BDP1: variants seen among roughly 807,000 people sequenced by gnomAD.
The protein encoded by BDP1 is BDP1 general transcription factor IIIB subunit.
BDP1 carries 169 observed loss-of-function variants against 266.6 expected under a neutral mutation model. The observed-to-expected ratio is 0.63, with a 90% CI of 0.56 to 0.72. The LOEUF (loss-of-function observed/expected upper bound fraction) is 0.72, where lower values mean the gene tolerates loss of function less well. Ranked by LOEUF, BDP1 falls within the 30% of genes least tolerant of loss-of-function variation. The pLI, the probability that BDP1 is intolerant of heterozygous loss-of-function variation, is 0.00. For missense variants in BDP1, 3,015 were observed against 3,053.8 expected, an observed-to-expected ratio of 0.99 and a Z score of 0.30; for synonymous variants, 1,090 against 1,022.4, an observed-to-expected ratio of 1.07 and a Z score of -1.26.
At chr5:71,547,916 A>T (rs1742453278) in intron 32 of BDP1, among the ~76,000 whole-genome samples, 2 of 152,152 alleles carry the variant, frequency 1.3e-5, no homozygotes. Flanking sequence ...AGATTGTGCC[A>T]CTGCACTCCA....
In BDP1 at chr5:71,455,969, G is replaced by T; in HGVS notation, c.92G>T (p.Arg31Leu). Residue 31 changes from arginine to leucine, a missense_variant, in exon 1 of 39, where the codon CGG becomes CTG. This residue lies in a region of BDP1 where 2,383 missense variants were observed against 2,404.9 expected (regional missense o/e 0.99). Coordinates refer to ENST00000358731, the MANE Select transcript of BDP1 (RefSeq NM_018429.3). ...ACAGCTTCCAATCCCCAGCGTGGAC[G>T]GGAGTCTCCCAGGCCGCCGGATCCT... ...GSTASNPQRG[R>L]ESPRPPDPAT... is the part of the protein sequence containing the mutation. 1.2e-6 allele frequency: 2 copies of T among 1,613,272 alleles called. No individual in the cohort carries two copies. The highest frequency in any genetic ancestry group is 1.7e-6 in the Non-Finnish European group (2 of 1,179,888).
intron 7 of BDP1, among the ~76,000 whole-genome samples, chr5:71,478,314 G>A (rs1017954234): frequency 2.6e-5 from 4 of 152,130 alleles, no homozygotes; most frequent in Non-Finnish European, 5.9e-5. Flanking sequence ...AGATATATAT[G>A]AGTCTTTTGT....
At chr5:71,571,479 A>G (rs1744261779), downstream of BDP1, among the ~76,000 whole-genome samples, 2 of 152,078 alleles carry the variant, frequency 1.3e-5, no homozygotes, top group Non-Finnish European at 2.9e-5. Context: ...ATACCCAGGG[A>G]CAACTGTGAA....
At chr5:71,542,924 G>A (rs749622432) in intron 30 of BDP1, among the ~76,000 whole-genome samples, 8 of 152,062 alleles carry the variant, frequency 5.3e-5, no homozygotes, top group Non-Finnish European at 1.2e-4. Flanking sequence ...CCGTAGAGAA[G>A]TGAAAATGTT....
At chr5:71,498,107 T>C (rs544146426) in intron 13 of BDP1, among the ~76,000 whole-genome samples, 13 of 152,174 alleles carry the variant, frequency 8.5e-5, no homozygotes, top group Admixed American at 8.5e-4. Context: ...CCCACCACCA[T>C]GCCCGGCTAA....
At chr5:71,576,108 A>C in the BDP1 span, among the ~76,000 whole-genome samples, 3 of 152,210 alleles carry the variant, frequency 2.0e-5, no homozygotes, top group Non-Finnish European at 4.4e-5. Flanking sequence ...TGTCAAGGCC[A>C]GACAAAAACC....
intron 7 of BDP1, among the ~76,000 whole-genome samples, chr5:71,472,279 G>A (rs565835297): frequency 1.3e-5 from 2 of 152,190 alleles, no homozygotes; most frequent in African/African-American, 2.4e-5. Flanking sequence ...AGGCCAACAT[G>A]GTGAAACCCC....
chr5:71,467,132 T>A (rs1470618299), intron 5 of BDP1, among the ~76,000 whole-genome samples: 1 of 152,238 alleles, frequency 6.6e-6, no homozygotes, highest in Non-Finnish European at 1.5e-5. Flanking sequence ...ATATTGCTGT[T>A]ATGGATTTTG....
Position 71,524,239 on chromosome 5 carries a change from A to G in BDP1, c.5688A>G (p.Glu1896=). The G allele has an allele frequency of 6.2e-7, 1 of 1,614,226 alleles. No homozygotes were observed. The highest frequency in any genetic ancestry group is 1.6e-4 in the Middle Eastern group (1 of 6,062). The stretch of plus-strand genomic sequence containing the variant: ...AAAGCTATCATCTTGCTCCCGAAGA[A>G]GTAAACAAAGCTCCAGTATTTGTAC... The part of the protein sequence containing the change: ...EEESYHLAPE[E]VNKAPVFVPV... Residue 1896 remains glutamate (E), a synonymous_variant, in exon 25 of 39, where the codon GAA becomes GAG. Transcript: ENST00000358731.
intron 26 of BDP1, chr5:71,537,861 T>C (rs1478487207): frequency 6.4e-6 from 1 of 156,424 alleles, no homozygotes; most frequent in Non-Finnish European, 1.5e-5. Flanking sequence ...GTCAGGAGTG[T>C]GCATGCTGGG....
At chr5:71,531,822 T>C (rs1451352565) in intron 25 of BDP1, among the ~76,000 whole-genome samples, 1 of 152,218 alleles carries the variant, frequency 6.6e-6, no homozygotes, top group Non-Finnish European at 1.5e-5. Context: ...TAAATACTTC[T>C]AAGGGCTTTC....
rs1307410798 is a variant in BDP1, at chr5:71,510,551, A to C, written c.3459A>C (p.Ile1153=). The C allele has an allele frequency of 4.3e-6, 7 of 1,614,014 alleles. No homozygotes were observed. The highest frequency in any genetic ancestry group is 1.6e-4 in the Middle Eastern group (1 of 6,082). The change falls in exon 17 of 39, where the codon ATA becomes ATC. Residue 1153 remains isoleucine (I), a synonymous_variant. Transcript: ENST00000358731. ...TGGAAGAAACTGGAAGAAGAGAAATATCCCCAGAGGAAAATGGCCCAGAGG... is the reference window on the plus strand; with the variant it reads ...TGGAAGAAACTGGAAGAAGAGAAATCTCCCCAGAGGAAAATGGCCCAGAGG... ...KDLEETGRRE[I]SPEENGPEEV...
Position 71,565,528 on chromosome 5 carries a change from A to G in BDP1, c.*643A>G, listed in dbSNP as rs372187313. ...CACAAATACTTACTATTGTGTTACA[A>G]CTGCCTACAGTATTCAGCATAGTAA... On this transcript the variant is annotated 3_prime_UTR_variant, in exon 39 of 39. Transcript: ENST00000358731. 1 of 152,496 alleles carries G rather than the reference A, an allele frequency of 6.6e-6. No individual in the cohort carries two copies. The highest frequency in any genetic ancestry group is 1.5e-5 in the Non-Finnish European group (1 of 68,278). 9.4% of individuals were successfully genotyped at this position (152,496 alleles called of 1,614,324 possible). A position where few individuals can be genotyped will look rare whatever the true frequency, so the allele number is the denominator to read the frequency against.
rs778472561 is a variant in BDP1 at position 71,511,092 on chromosome 5, A to G, written c.4000A>G (p.Thr1334Ala). The G allele has an allele frequency of 1.9e-6, 3 of 1,614,060 alleles. No homozygotes were observed. Among genetic ancestry groups the G allele is most frequent in the African/African-American group, 1.3e-5 (1 of 74,948 alleles). Residue 1334 changes from threonine (T) to alanine (A), a missense_variant, in exon 17 of 39, where the codon ACA (threonine) becomes GCA (alanine). Thr to Ala is a moderately conservative substitution (Grantham distance 58, BLOSUM62 0). Around this residue, in one of 3 missense-constraint regions of BDP1, gnomAD observed 2,383 missense variants for 2,404.9 expected, o/e 0.99. Coordinates refer to ENST00000358731, the MANE Select transcript of BDP1 (RefSeq NM_018429.3). Reference protein sequence around the residue: ...EETSTSRQTDTHLMQSGSNDF... With the variant: ...EETSTSRQTDAHLMQSGSNDF... ...GACCAGTACCTCAAGACAAACTGAC[A>G]CACATTTAATGCAGAGCGGTAGCAA... is the stretch of plus-strand genomic sequence containing the variant.
chr5:71,509,568 G>A lies in BDP1; in HGVS notation c.2476G>A (p.Glu826Lys), dbSNP rs897060790. The change falls in exon 17 of 39, where the codon GAA becomes AAA. Residue 826 changes from glutamate to lysine, a missense_variant. Glu to Lys is a moderately conservative substitution (Grantham distance 56). Around this residue, in one of 3 missense-constraint regions of BDP1, gnomAD observed 2,383 missense variants for 2,404.9 expected, o/e 0.99. Coordinates refer to ENST00000358731, the MANE Select transcript of BDP1 (RefSeq NM_018429.3). ...TATAGGAAGAGGAACTGGAAGGAGAGAAATTTCCTCAAAGGAAGAGGTACT... is the reference window on the plus strand; with the variant it reads ...TATAGGAAGAGGAACTGGAAGGAGAAAAATTTCCTCAAAGGAAGAGGTACT... ...PNIGRGTGRR[E>K]ISSKEEVLEK... is the part of the protein sequence containing the mutation. 7 of 1,613,644 alleles carry A rather than the reference G, an allele frequency of 4.3e-6. No individual in the cohort carries two copies. The highest frequency in any genetic ancestry group is 5.9e-6 in the Non-Finnish European group (7 of 1,179,946).
chr5:71,535,501 G>A (rs764758720), intron 26 of BDP1, among the ~76,000 whole-genome samples: 4 of 151,902 alleles, frequency 2.6e-5, no homozygotes, highest in Admixed American at 6.6e-5. Flanking sequence ...CACCGTGCCC[G>A]GCCTAAAATA....
At chr5:71,533,491 G>C (rs1303718463) in intron 26 of BDP1, among the ~76,000 whole-genome samples, 2 of 135,360 alleles carry the variant, frequency 1.5e-5, no homozygotes, top group South Asian at 4.6e-4. Context: ...TTTTTGAGAC[G>C]GCCTTGCATT....
chr5:71,525,884 GGTT>G (rs1453780851), intron 25 of BDP1, among the ~76,000 whole-genome samples: 1 of 151,788 alleles, frequency 6.6e-6, no homozygotes, highest in Non-Finnish European at 1.5e-5. Context: ...CAGATGGGGC[GGTT>G]GCCAGGCAGA....
intron 14 of BDP1, among the ~76,000 whole-genome samples, chr5:71,502,349 A>G (rs1285651185): frequency 6.6e-6 from 1 of 151,598 alleles, no homozygotes; most frequent in Non-Finnish European, 1.5e-5. Flanking sequence ...TAATTTTTGT[A>G]TTTTTAGTAG....
Sources: allele counts gnomAD v4.1 joint callset (sites outside exome capture counted in the v4.1 genomes callset), GRCh38; gene constraint gnomAD v4.1.1; regional missense constraint gnomAD v4.1.1; transcripts MANE v1.5; gene names NCBI Gene and HGNC (gene_info 2026-07-23, HGNC 2026-07-21).